GPCPD1: variants seen among roughly 807,000 people sequenced by gnomAD.
The protein encoded by GPCPD1 is glycerophosphocholine phosphodiesterase GPCPD1.
In GPCPD1, 29 loss-of-function variants were observed where a neutral mutation model predicts 89.2. That is an observed-to-expected ratio of 0.33 (90% confidence interval 0.24 to 0.44). The LOEUF is 0.44. Ranked by LOEUF, GPCPD1 falls within the 20% of genes least tolerant of loss-of-function variation. The pLI is 1.00. For synonymous variants in GPCPD1, 258 were observed against 266.3 expected (o/e 0.97, Z 0.30); for missense variants, 594 against 808.9 (o/e 0.73, Z 3.22).
At chr20:5,578,298 T>G (rs1354352052) in intron 8 of GPCPD1, 82 bp downstream of exon 8, 1 of 887,094 alleles carries the variant, frequency 1.1e-6, no homozygotes. Flanking sequence ...ACAAATTAGA[T>G]TAAAATGAAA....
At chr20:5,570,095 T>C in intron 12 of GPCPD1, 52 bp downstream of exon 12, 1 of 801,964 alleles carries the variant, frequency 1.2e-6, no homozygotes, top group Non-Finnish European at 2.1e-6. Flanking sequence ...TTCCTAGTTT[T>C]TAAACCTTTT....
At chr20:5,590,171 T>C (rs1191097903) in intron 4 of GPCPD1, among the ~76,000 whole-genome samples, 2 of 152,182 alleles carry the variant, frequency 1.3e-5, no homozygotes, top group African/African-American at 4.8e-5. Flanking sequence ...TGCTTGCATA[T>C]ATCACAAATT....
chr20:5,598,681 G>A (rs770897967), intron 3 of GPCPD1, 44 bp downstream of exon 3: 1 of 1,126,516 alleles, frequency 8.9e-7, no homozygotes, highest in Non-Finnish European at 1.4e-6. Flanking sequence ...ACATCATAAG[G>A]TTAATGTCAC....
intron 4 of GPCPD1, among the ~76,000 whole-genome samples, chr20:5,588,976 CT>C (rs1160145419): frequency 1.3e-5 from 2 of 152,196 alleles, no homozygotes; most frequent in East Asian, 3.9e-4. Context: ...AGTATCTTTA[CT>C]TAATCAAGTA....
intron 2 of GPCPD1, among the ~76,000 whole-genome samples, chr20:5,601,039 G>T (rs1306949280): frequency 6.6e-6 from 1 of 151,438 alleles, no homozygotes; most frequent in Admixed American, 6.6e-5. Flanking sequence ...AGTTAGCTGG[G>T]CATGGCAGCA....
Position 5,555,976 on chromosome 20 carries a change from TTG to T in GPCPD1, c.1829+1967_1829+1968del, listed in dbSNP as rs961916113. Among the ~76,000 whole-genome samples the T allele has an allele frequency of 1.8e-4, 28 of 152,258 alleles. 1 individual carries two copies. The highest frequency in any genetic ancestry group is 1.8e-3 in the Admixed American group (28 of 15,298). On this transcript the variant is annotated intron_variant, in intron 19 of 19. Coordinates refer to ENST00000379019, the MANE Select transcript of GPCPD1 (RefSeq NM_019593.5). ...AGTCCACGGGTACAGCAGACTTCAT[TTG>T]TGTCTTATTTTAAGAAACTGCCACA...
At chr20:5,607,793 G>A (rs1320904139) in intron 1 of GPCPD1, among the ~76,000 whole-genome samples, 1 of 147,980 alleles carries the variant, frequency 6.8e-6, no homozygotes, top group Non-Finnish European at 1.5e-5. Context: ...ACTCCTGCCT[G>A]TGTGACAGAA....
At chr20:5,575,341 T>G in intron 10 of GPCPD1, 72 bp downstream of exon 10, 1 of 1,062,794 alleles carries the variant, frequency 9.4e-7, no homozygotes, top group Non-Finnish European at 1.4e-6. Flanking sequence ...TGACCTTTGC[T>G]GAGAAAACCA....
intron 19 of GPCPD1, among the ~76,000 whole-genome samples, chr20:5,557,049 C>T (rs999374327): frequency 7.9e-5 from 12 of 152,166 alleles, no homozygotes; most frequent in East Asian, 1.9e-4. Context: ...TAAATTGTTA[C>T]GGAAGTCTTT....
At chr20:5,587,186 C>A (rs1273099804) in intron 4 of GPCPD1, among the ~76,000 whole-genome samples, 1 of 152,130 alleles carries the variant, frequency 6.6e-6, no homozygotes, top group Non-Finnish European at 1.5e-5. Context: ...CTTAAATACA[C>A]ATTTTGGAAG....
chr20:5,580,727 CA>C (rs35415062), intron 6 of GPCPD1, among the ~76,000 whole-genome samples: 177 of 85,908 alleles, frequency 2.1e-3, no homozygotes, highest in Admixed American at 2.8e-3. Context: ...CTCCATCTCA[CA>C]AAAAAAAAAA....
At chr20:5,595,463 A>T (rs1979646468) in intron 3 of GPCPD1, among the ~76,000 whole-genome samples, 1 of 152,066 alleles carries the variant, frequency 6.6e-6, no homozygotes, top group Admixed American at 6.6e-5. Flanking sequence ...CAACATTATG[A>T]AACCACATTT....
intron 15 of GPCPD1, among the ~76,000 whole-genome samples, chr20:5,563,084 G>A (rs978466543): frequency 6.6e-6 from 1 of 151,424 alleles, no homozygotes; most frequent in Admixed American, 6.6e-5. Flanking sequence ...CTGAGTTCAC[G>A]CCATTCTGCT....
chr20:5,575,583 A>G lies in GPCPD1; in HGVS notation c.869-38T>C, dbSNP rs753123716. ...AAAAGAGGGAGGAACAAAAATAAAAATGATTAAAAGGGCCATTATGAGCTA... is the reference window on the plus strand; with the variant it reads ...AAAAGAGGGAGGAACAAAAATAAAAGTGATTAAAAGGGCCATTATGAGCTA... On this transcript the variant is annotated intron_variant, in intron 9 of 19. Transcript: ENST00000379019. The G allele has an allele frequency of 4.2e-6, 6 of 1,439,712 alleles. No homozygotes were observed. The East Asian group carries it at 1.1e-4, about 27-fold the overall frequency. The allele number at this position is 1,439,712 out of a possible 1,614,324, so 89.2% of individuals were successfully genotyped here.
At chr20:5,592,196 A>C (rs1356738671) in intron 4 of GPCPD1, among the ~76,000 whole-genome samples, 1 of 152,204 alleles carries the variant, frequency 6.6e-6, no homozygotes, top group Non-Finnish European at 1.5e-5. Context: ...AATTTCATAT[A>C]CCAGGATCCT....
chr20:5,576,275 C>G (rs1978288531), intron 8 of GPCPD1, among the ~76,000 whole-genome samples: 1 of 151,910 alleles, frequency 6.6e-6, no homozygotes, highest in Non-Finnish European at 1.5e-5. Flanking sequence ...AAAAAATTAG[C>G]CGGGGATGGT....
At chr20:5,548,877 CT>C (rs992054853) in intron 19 of GPCPD1, 1 of 1,009,600 alleles carries the variant, frequency 9.9e-7, no homozygotes, top group African/African-American at 1.6e-5. Context: ...CCTAATCCCC[CT>C]GTGAAGAGGA....
At chr20:5,550,283 C>CAAAAAAA (rs11476159) in intron 19 of GPCPD1, among the ~76,000 whole-genome samples, 7 of 76,046 alleles carry the variant, frequency 9.2e-5, no homozygotes, top group African/African-American at 1.2e-4. Flanking sequence ...TCAAATGAAG[C>CAAAAAAA]AAAAAAAAAA....
intron 3 of GPCPD1, among the ~76,000 whole-genome samples, chr20:5,595,040 T>C (rs993541841): frequency 6.6e-6 from 1 of 152,238 alleles, no homozygotes; most frequent in East Asian, 1.9e-4. Context: ...AAATTGACAC[T>C]GTCCTTCAAC....
Sources: gnomAD v4.1 joint callset for allele counts (sites outside exome capture counted in the v4.1 genomes callset) on GRCh38, gnomAD v4.1.1 for gene constraint, MANE v1.5 for transcripts, NCBI Gene and HGNC (gene_info 2026-07-23, HGNC 2026-07-21) for gene names.